CCDC3: variants seen among roughly 807,000 people sequenced by gnomAD.
CCDC3 encodes coiled-coil domain-containing protein 3.
CCDC3 carries 24 observed loss-of-function variants against 21.4 expected under a neutral mutation model. That is an observed-to-expected ratio of 1.12 (90% CI 0.81 to 1.58). The LOEUF is 1.58. Among genes scored for constraint, CCDC3 ranks in the 40% most tolerant of loss-of-function variants. The probability of loss-of-function intolerance (pLI) is 0.00; values close to 1 mark genes in which losing one functional copy is unlikely to be tolerated. For synonymous variants in CCDC3, 186 were observed against 166.0 expected (o/e 1.12, Z -0.93); for missense variants, 425 against 360.9 (o/e 1.18, Z -1.44).
intron 2 of CCDC3, among the ~76,000 whole-genome samples, chr10:12,939,525 A>AG (rs1564291354): frequency 1.3e-5 from 2 of 152,124 alleles, no homozygotes; most frequent in Admixed American, 6.6e-5. Context: ...TGGGAGGCTG[A>AG]GGGGGGATGA....
chr10:12,960,902 TAGGGATGTTGTGGTGACCCTC>T (rs1344218619), intron 2 of CCDC3, among the ~76,000 whole-genome samples: 4 of 152,016 alleles, frequency 2.6e-5, no homozygotes, highest in Non-Finnish European at 5.9e-5. Context: ...TGCACAAACG[TAGGGATGTTGTGGTGACCCTC>T]AGGCTTTCTT....
intron 2 of CCDC3, among the ~76,000 whole-genome samples, chr10:12,993,931 C>G (rs768433064): frequency 6.6e-6 from 1 of 152,136 alleles, no homozygotes. Context: ...AGTTTCCCTC[C>G]GTAAGATTTC....
At chr10:12,901,723 G>C (rs1184574173) in intron 2 of CCDC3, among the ~76,000 whole-genome samples, 1 of 152,216 alleles carries the variant, frequency 6.6e-6, no homozygotes, top group Admixed American at 6.5e-5. Flanking sequence ...CTAACTGTTA[G>C]CCGTGATTAT....
intron 2 of CCDC3, among the ~76,000 whole-genome samples, chr10:12,902,074 C>T (rs1267715585): frequency 1.3e-5 from 2 of 152,194 alleles, no homozygotes. Context: ...TACCTGGTGG[C>T]ACTAGGAGAA....
intron 2 of CCDC3, among the ~76,000 whole-genome samples, chr10:12,941,769 G>A (rs928354977): frequency 6.6e-6 from 1 of 152,158 alleles, no homozygotes; most frequent in African/African-American, 2.4e-5. Flanking sequence ...TCCAAAATAT[G>A]CCGCTTTGGC....
intron 2 of CCDC3, among the ~76,000 whole-genome samples, chr10:12,962,104 T>C (rs556872678): frequency 6.6e-6 from 1 of 152,324 alleles, no homozygotes; most frequent in East Asian, 1.9e-4. Flanking sequence ...GCTATCTTCA[T>C]GCTGTGTAAG....
At chr10:13,056,437 A>G (rs1190263448) in intron 4 of CCDC3, among the ~76,000 whole-genome samples, 1 of 152,078 alleles carries the variant, frequency 6.6e-6, no homozygotes, top group Non-Finnish European at 1.5e-5. Context: ...TTCGTGATGG[A>G]CTAGCAGTCT....
chr10:12,954,430 C>T (rs1835054312), intron 2 of CCDC3, among the ~76,000 whole-genome samples: 1 of 152,190 alleles, frequency 6.6e-6, no homozygotes, highest in Non-Finnish European at 1.5e-5. Context: ...TATAAAGGAA[C>T]ATCTGATGCT....
intron 5 of CCDC3, among the ~76,000 whole-genome samples, chr10:13,016,535 A>G (rs1836064571): frequency 6.6e-6 from 1 of 151,912 alleles, no homozygotes; most frequent in African/African-American, 2.4e-5. Context: ...TCCTTCTGGT[A>G]TCCTTGGGAG....
intron 2 of CCDC3, among the ~76,000 whole-genome samples, chr10:12,937,315 C>T (rs974346787): frequency 3.9e-5 from 6 of 152,066 alleles, no homozygotes; most frequent in Non-Finnish European, 7.4e-5. Flanking sequence ...GTGGTCTCTA[C>T]CTATTTATTT....
At chr10:12,985,472 A>G (rs534846103) in intron 2 of CCDC3, among the ~76,000 whole-genome samples, 2 of 152,360 alleles carry the variant, frequency 1.3e-5, no homozygotes, top group African/African-American at 4.8e-5. Context: ...AACACTCTGT[A>G]CGTGAATGTT....
intron 5 of CCDC3, among the ~76,000 whole-genome samples, chr10:13,006,853 G>T (rs1835929589): frequency 6.6e-6 from 1 of 152,148 alleles, no homozygotes; most frequent in Non-Finnish European, 1.5e-5. Context: ...ATTCAAGTCA[G>T]GTTTTCAGCT....
At chr10:13,081,689 A>G (rs1408368224) in intron 3 of CCDC3, among the ~76,000 whole-genome samples, 1 of 152,274 alleles carries the variant, frequency 6.6e-6, no homozygotes, top group African/African-American at 2.4e-5. Context: ...CCTCCCAGAC[A>G]CAATGACAAG....
intron 4 of CCDC3, chr10:13,058,555 T>C (rs1466226569): frequency 4.2e-6 from 3 of 707,654 alleles, no homozygotes; most frequent in African/African-American, 3.5e-5. Context: ...GTATTTATTT[T>C]TATCCTGCAT....
chr10:12,969,095 C>G (rs769368649), intron 2 of CCDC3, among the ~76,000 whole-genome samples: 19 of 152,086 alleles, frequency 1.2e-4, no homozygotes, highest in Non-Finnish European at 2.5e-4. Flanking sequence ...ATACAGGGAA[C>G]TGAAACTACT....
chr10:13,008,522 A>G (rs915875674), intron 5 of CCDC3, among the ~76,000 whole-genome samples: 1 of 152,238 alleles, frequency 6.6e-6, no homozygotes, highest in Non-Finnish European at 1.5e-5. Context: ...CAAATAAGCA[A>G]ATCTATTAAG....
chr10:13,061,785 G>T (rs1016166357), intron 4 of CCDC3, among the ~76,000 whole-genome samples: 1 of 152,168 alleles, frequency 6.6e-6, no homozygotes, highest in Non-Finnish European at 1.5e-5. Context: ...ATAAAAGATT[G>T]TGGAGACTGA....
chr10:12,904,050 T>C (rs1834132220), intron 2 of CCDC3, among the ~76,000 whole-genome samples: 1 of 152,224 alleles, frequency 6.6e-6, no homozygotes, highest in Non-Finnish European at 1.5e-5. Context: ...TTTCCCCTTT[T>C]CATTTTATCA....
chr10:13,040,184 G>A (rs1331176948), intron 5 of CCDC3, among the ~76,000 whole-genome samples: 2 of 152,134 alleles, frequency 1.3e-5, no homozygotes, highest in South Asian at 2.1e-4. Context: ...AGTGAATTAG[G>A]ATGGAGGGTA....
Sources: gnomAD v4.1 joint callset for allele counts (sites outside exome capture counted in the v4.1 genomes callset) on GRCh38, gnomAD v4.1.1 for gene constraint, MANE v1.5 for transcripts, NCBI Gene and HGNC (gene_info 2026-07-23, HGNC 2026-07-21) for gene names.